Variants in FSTL5 observed in about 807,000 individuals in gnomAD.
The protein encoded by FSTL5 is follistatin-related protein 5.
In FSTL5, 62 loss-of-function variants were observed where a neutral mutation model predicts 89.1. The observed-to-expected ratio is 0.70, with a 90% CI of 0.57 to 0.86. The LOEUF (loss-of-function observed/expected upper bound fraction) is 0.86, where lower values mean the gene tolerates loss of function less well. Among genes scored for constraint, FSTL5 ranks in the 40% least tolerant of loss-of-function variants. The pLI is 0.00. For synonymous variants in FSTL5, 383 were observed against 346.2 expected, an observed-to-expected ratio of 1.11 and a Z score of -1.18; for missense variants, 1,057 against 1,001.6, an observed-to-expected ratio of 1.06 and a Z score of -0.75.
intron 3 of FSTL5, among the ~76,000 whole-genome samples, chr4:161,974,006 C>G (rs1320792124): frequency 6.6e-6 from 1 of 152,078 alleles, no homozygotes; most frequent in East Asian, 1.9e-4. Context: ...CTCCCATTCA[C>G]AATTGCTTCA....
intron 3 of FSTL5, among the ~76,000 whole-genome samples, chr4:161,967,063 T>C (rs1318117374): frequency 6.6e-6 from 1 of 150,870 alleles, no homozygotes; most frequent in African/African-American, 2.4e-5. Context: ...TTAAATGATA[T>C]GGGATTTCTG....
chr4:161,782,160 C>T (rs574102613), intron 4 of FSTL5, among the ~76,000 whole-genome samples: 8 of 152,296 alleles, frequency 5.3e-5, no homozygotes, highest in Admixed American at 5.2e-4. Context: ...AACTTGGCTG[C>T]TTCTGAGTTT....
intron 3 of FSTL5, among the ~76,000 whole-genome samples, chr4:161,997,895 C>T (rs1022881667): frequency 5.9e-5 from 9 of 152,094 alleles, no homozygotes; most frequent in African/African-American, 1.2e-4. Flanking sequence ...TGAGCCACCG[C>T]GCCCGGCCAA....
intron 6 of FSTL5, among the ~76,000 whole-genome samples, chr4:161,686,787 CTT>C (rs1220135653): frequency 2.6e-5 from 4 of 151,948 alleles, no homozygotes; most frequent in Admixed American, 6.6e-5. Context: ...TAAATTGTAA[CTT>C]GTGTGCAATA....
chr4:161,472,171 G>T (rs965759887), intron 13 of FSTL5, among the ~76,000 whole-genome samples: 1 of 151,956 alleles, frequency 6.6e-6, no homozygotes, highest in Non-Finnish European at 1.5e-5. Context: ...TAGAGACAGA[G>T]TTTCACCGTG....
intron 7 of FSTL5, among the ~76,000 whole-genome samples, chr4:161,644,251 G>C (rs983575271): frequency 2.6e-4 from 40 of 152,288 alleles, no homozygotes; most frequent in Admixed American, 1.2e-3. Context: ...TAATGGTTGG[G>C]TACGGTGGCT....
At chr4:162,090,362 T>A (rs1227965012) in intron 2 of FSTL5, among the ~76,000 whole-genome samples, 3 of 152,096 alleles carry the variant, frequency 2.0e-5, no homozygotes, top group Non-Finnish European at 2.9e-5. Context: ...AAAGTTCTGA[T>A]ACATAGCATC....
chr4:161,462,882 G>T (rs1733627491), intron 13 of FSTL5, among the ~76,000 whole-genome samples: 1 of 151,750 alleles, frequency 6.6e-6, no homozygotes, highest in African/African-American at 2.4e-5. Flanking sequence ...AGACTAGAGG[G>T]TGAAAAGAGC....
At chr4:161,803,627 A>G (rs2126831797) in intron 4 of FSTL5, among the ~76,000 whole-genome samples, 1 of 152,098 alleles carries the variant, frequency 6.6e-6, no homozygotes, top group East Asian at 1.9e-4. Flanking sequence ...CAAAATACTC[A>G]TATTGATATA....
chr4:161,785,067 T>C (rs1579091249), intron 4 of FSTL5, among the ~76,000 whole-genome samples: 1 of 152,242 alleles, frequency 6.6e-6, no homozygotes, highest in East Asian at 1.9e-4. Context: ...AAGAAGTAAA[T>C]GTCATTTGCC....
At chr4:161,835,748 A>C (rs1395327604) in intron 4 of FSTL5, among the ~76,000 whole-genome samples, 1 of 152,234 alleles carries the variant, frequency 6.6e-6, no homozygotes, top group Non-Finnish European at 1.5e-5. Flanking sequence ...TCAAAACCAC[A>C]ATGGGATACC....
intron 3 of FSTL5, among the ~76,000 whole-genome samples, chr4:161,961,792 T>G (rs902670373): frequency 5.3e-5 from 8 of 151,790 alleles, no homozygotes. Flanking sequence ...AATAATCATT[T>G]AAATGTTCTA....
rs1578944831 is a variant in FSTL5, at chr4:161,400,595, G to A, written c.1842-14146C>T. Among the ~76,000 whole-genome samples, 5 of 152,078 alleles carry A rather than the reference G, an allele frequency of 3.3e-5. No individual in the cohort carries two copies. In the South Asian group the frequency reaches 8.3e-4, roughly 25 times the overall value. On this transcript the variant is annotated intron_variant, in intron 15 of 15. Coordinates refer to ENST00000306100, the MANE Select transcript of FSTL5 (RefSeq NM_020116.5). Reference sequence around the variant, plus strand: ...TTTGTAAATAAAAAGATTCCTTACAGTATAAATGAATCAATGAGGTAATGA... The same window carrying A: ...TTTGTAAATAAAAAGATTCCTTACAATATAAATGAATCAATGAGGTAATGA...
chr4:161,849,581 T>C (rs1731488476), intron 4 of FSTL5, among the ~76,000 whole-genome samples: 1 of 151,812 alleles, frequency 6.6e-6, no homozygotes, highest in Non-Finnish European at 1.5e-5. Flanking sequence ...CAAATTCTAT[T>C]GGATATTTTC....
chr4:161,493,155 A>T (rs192339457), intron 12 of FSTL5, among the ~76,000 whole-genome samples: 160 of 152,006 alleles, frequency 1.1e-3, no homozygotes, highest in African/African-American at 3.4e-3. Context: ...AAATGTTGAG[A>T]AAAATAAAAG....
intron 6 of FSTL5, among the ~76,000 whole-genome samples, chr4:161,688,122 A>G (rs1737806712): frequency 6.6e-6 from 1 of 152,140 alleles, no homozygotes; most frequent in South Asian, 2.1e-4. Context: ...TCCCTCTGTC[A>G]CTCAGGCTGG....
chr4:161,631,798 C>T (rs1001727626), intron 7 of FSTL5, among the ~76,000 whole-genome samples: 1 of 152,110 alleles, frequency 6.6e-6, no homozygotes, highest in Non-Finnish European at 1.5e-5. Context: ...GTTTAAATTA[C>T]ATTTTTATTA....
chr4:161,889,524 A>T (rs545163775), intron 4 of FSTL5, among the ~76,000 whole-genome samples: 1 of 152,204 alleles, frequency 6.6e-6, no homozygotes, highest in Admixed American at 6.5e-5. Flanking sequence ...CATGCCTGTA[A>T]TCCTAGCTAC....
At chr4:161,562,957 T>C (rs1732658676) in intron 8 of FSTL5, among the ~76,000 whole-genome samples, 1 of 152,020 alleles carries the variant, frequency 6.6e-6, no homozygotes, top group African/African-American at 2.4e-5. Flanking sequence ...GGTTCATACA[T>C]GTTGTAGCAT....
Sources: allele counts gnomAD v4.1 joint callset (sites outside exome capture counted in the v4.1 genomes callset), GRCh38; gene constraint gnomAD v4.1.1; transcripts MANE v1.5; gene names NCBI Gene and HGNC (gene_info 2026-07-23, HGNC 2026-07-21).